Variants in GATB observed in about 807,000 individuals in gnomAD.
The protein encoded by GATB is glutamyl-tRNA(Gln) amidotransferase subunit B, mitochondrial.
Under a neutral mutation model 62.3 loss-of-function variants are expected in GATB, and 39 were observed. The ratio of observed to expected loss-of-function variants is 0.63; its 90% confidence interval spans 0.48 to 0.82. The LOEUF is 0.82. GATB is among the 40% of genes least tolerant of loss of function. The pLI is 0.00. For synonymous variants in GATB, 276 were observed against 258.9 expected (o/e 1.07, Z -0.63); for missense variants, 670 against 684.0 (o/e 0.98, Z 0.23).
chr4:151,760,035 A>T (rs772198671), intron 1 of GATB, among the ~76,000 whole-genome samples: 3 of 152,222 alleles, frequency 2.0e-5, no homozygotes, highest in Non-Finnish European at 4.4e-5. Flanking sequence ...TTCACAAGGA[A>T]ACAATCTAAT....
At chr4:151,755,009 T>C (rs1739798915) in intron 2 of GATB, among the ~76,000 whole-genome samples, 2 of 152,212 alleles carry the variant, frequency 1.3e-5, no homozygotes, top group South Asian at 4.1e-4. Context: ...AAGCCACCAA[T>C]CATTATGGGT....
At position 151,717,087 on chromosome 4, in the gene GATB, A is replaced by G; in HGVS notation, c.442-13T>C. 6.2e-7 allele frequency: 1 copy of G among 1,613,390 alleles called. No homozygotes were observed. Among genetic ancestry groups the G allele is most frequent in the Non-Finnish European group, 8.5e-7 (1 of 1,179,400 alleles). ...TTTGGTAGCCTGCCTGCACACAAAC[A>G]TAGGGTAAACATAGTCACTGGTCCA... is the stretch of plus-strand genomic sequence containing the variant. On this transcript the variant is annotated splice_polypyrimidine_tract_variant and intron_variant, in intron 3 of 12. Transcript: ENST00000263985.
At chr4:151,676,039 G>C (rs887634779) in intron 11 of GATB, 5 of 152,238 alleles carry the variant, frequency 3.3e-5, no homozygotes, top group African/African-American at 1.2e-4. Flanking sequence ...ACATGGCATG[G>C]AGGGAGCTGT....
intron 9 of GATB, among the ~76,000 whole-genome samples, chr4:151,691,098 G>T (rs1484047995): frequency 6.6e-6 from 1 of 152,198 alleles, no homozygotes; most frequent in Admixed American, 6.5e-5. Context: ...ACATGTCAGT[G>T]CAGCCATCTG....
At chr4:151,695,146 C>CT (rs1232510911) in intron 9 of GATB, among the ~76,000 whole-genome samples, 1 of 152,200 alleles carries the variant, frequency 6.6e-6, no homozygotes, top group Non-Finnish European at 1.5e-5. Flanking sequence ...TTCTACAGCC[C>CT]TGCCTTTCGT....
intron 9 of GATB, among the ~76,000 whole-genome samples, chr4:151,700,264 A>G (rs1738575043): frequency 6.6e-6 from 1 of 152,216 alleles, no homozygotes; most frequent in Non-Finnish European, 1.5e-5. Flanking sequence ...CTTGCCTTCA[A>G]GATGCTGAAC....
At chr4:151,729,152 G>A (rs762031235) in intron 2 of GATB, among the ~76,000 whole-genome samples, 11 of 152,280 alleles carry the variant, frequency 7.2e-5, no homozygotes, top group Non-Finnish European at 1.6e-4. Flanking sequence ...ATGGAGGTTC[G>A]TAAGAGAAAG....
At chr4:151,757,536 G>A (rs1367989571) in intron 2 of GATB, among the ~76,000 whole-genome samples, 3 of 143,578 alleles carry the variant, frequency 2.1e-5, no homozygotes, top group Non-Finnish European at 4.5e-5. Flanking sequence ...GCAGTGGCGC[G>A]ATCTCAGCTC....
chr4:151,735,788 T>G (rs545919025), intron 2 of GATB, among the ~76,000 whole-genome samples: 5 of 133,908 alleles, frequency 3.7e-5, no homozygotes, highest in African/African-American at 1.2e-4. Context: ...TAAAAAGAAA[T>G]AAATTAACAG....
At position 151,760,830 on chromosome 4, in the gene GATB, G is replaced by A; in HGVS notation, c.153C>T (p.His51=). ...ACCCTTTCCTCGTCTTCTGGGCCGT[G>A]TGGAGGGGCTGCTGAGCCACTGAGC... ...GESSVAQQPL[H]TAQKTRKGEH... The change falls in exon 1 of 13, where the codon CAC becomes CAT. Residue 51 remains histidine (H), a synonymous_variant. Transcript: ENST00000263985. 1.2e-6 allele frequency: 2 copies of A among 1,611,076 alleles called. No individual in the cohort carries two copies. Among genetic ancestry groups the A allele is most frequent in the Non-Finnish European group, 1.7e-6 (2 of 1,178,530 alleles).
At chr4:151,725,221 C>T (rs1200265300) in intron 2 of GATB, among the ~76,000 whole-genome samples, 1 of 152,224 alleles carries the variant, frequency 6.6e-6, no homozygotes, top group Non-Finnish European at 1.5e-5. Flanking sequence ...CCCTCTTGCT[C>T]CTTTCCTCCT....
At chr4:151,714,120 C>T (rs1018463819) in intron 5 of GATB, among the ~76,000 whole-genome samples, 2 of 152,346 alleles carry the variant, frequency 1.3e-5, no homozygotes, top group Non-Finnish European at 2.9e-5. Context: ...GGCATCTCCA[C>T]AACAGGGGCA....
At chr4:151,703,086 G>T (rs1738640297) in intron 8 of GATB, 1 of 152,244 alleles carries the variant, frequency 6.6e-6, no homozygotes, top group Non-Finnish European at 1.5e-5. Flanking sequence ...ACTCACCCGG[G>T]AAGTTCACGG....
At chr4:151,734,615 C>T (rs755787059) in intron 2 of GATB, among the ~76,000 whole-genome samples, 167 of 152,036 alleles carry the variant, frequency 1.1e-3, no homozygotes, top group Non-Finnish European at 2.0e-3. Flanking sequence ...AAAAAGAGCC[C>T]GCATAACCAA....
In GATB at chr4:151,716,135, C is replaced by T; in HGVS notation, c.641-4G>A. On this transcript the variant is annotated splice_region_variant and splice_polypyrimidine_tract_variant and intron_variant, in intron 4 of 12. Transcript: ENST00000263985. Reference sequence around the variant, plus strand: ...ACCACCTCCAGAAGGCCCACTCCTACCAAAGAGGGGCAGAGTCAGCCTCAC... The same window carrying T: ...ACCACCTCCAGAAGGCCCACTCCTATCAAAGAGGGGCAGAGTCAGCCTCAC... 6.2e-7 allele frequency: 1 copy of T among 1,612,186 alleles called. No homozygotes were observed. The highest frequency in any genetic ancestry group is 1.1e-5 in the South Asian group (1 of 90,576).
rs74656492 is a variant in GATB, at chr4:151,715,012, G to A, written c.763+997C>T. Among the ~76,000 whole-genome samples, 13 of 152,264 alleles carry A rather than the reference G, an allele frequency of 8.5e-5. No homozygotes were observed. In the East Asian group the frequency reaches 2.3e-3, roughly 27 times the overall value. Reference sequence around the variant, plus strand: ...CAGGGCTCTGATGTTATAATTTGTTGCTTATTACACATCCTATGTGACAAA... The same window carrying A: ...CAGGGCTCTGATGTTATAATTTGTTACTTATTACACATCCTATGTGACAAA... On this transcript the variant is annotated intron_variant, in intron 5 of 12. Coordinates refer to ENST00000263985, the MANE Select transcript of GATB (RefSeq NM_004564.3).
In GATB at chr4:151,755,919, T is replaced by C. The variant is rs188403277; in HGVS notation, c.327+2853A>G. On this transcript the variant is annotated intron_variant, in intron 2 of 12. Transcript: ENST00000263985. ...TATGAATCATTCAGATGGAAATATA[T>C]AGTAGGACACAATAGATATAGGTTT... Among the ~76,000 whole-genome samples the C allele has an allele frequency of 9.6e-4, 146 of 152,328 alleles. 2 individuals carry two copies. The highest frequency in any genetic ancestry group is 3.4e-3 in the Middle Eastern group (1 of 294).
chr4:151,671,555 G>C (rs1737861536), intron 12 of GATB, among the ~76,000 whole-genome samples: 1 of 152,182 alleles, frequency 6.6e-6, no homozygotes, highest in Non-Finnish European at 1.5e-5. Context: ...AGCCAGAGAA[G>C]CTGGCACGTG....
chr4:151,682,031 G>T (rs1466333566), intron 10 of GATB, among the ~76,000 whole-genome samples: 11 of 152,194 alleles, frequency 7.2e-5, no homozygotes, highest in Non-Finnish European at 7.3e-5. Context: ...TGACATAAAA[G>T]ACGTAGGGGT....
Sources: allele counts gnomAD v4.1 joint callset (sites outside exome capture counted in the v4.1 genomes callset), GRCh38; gene constraint gnomAD v4.1.1; transcripts MANE v1.5; gene names NCBI Gene and HGNC (gene_info 2026-07-23, HGNC 2026-07-21).